The following NRCAM variants were observed in gnomAD, a reference collection of about 807,000 sequenced individuals.
NRCAM encodes NgCAM-related cell adhesion molecule.
NRCAM carries 83 observed loss-of-function variants against 156.5 expected under a neutral mutation model. The observed-to-expected ratio is 0.53, with a 90% CI of 0.44 to 0.64. The LOEUF is 0.64. Ranked by LOEUF, NRCAM falls within the 30% of genes least tolerant of loss-of-function variation. The probability of loss-of-function intolerance (pLI) is 0.00; values close to 1 mark genes in which losing one functional copy is unlikely to be tolerated. For missense variants in NRCAM, 1,417 were observed against 1,597.3 expected (o/e 0.89, Z 1.92); for synonymous variants, 538 against 563.9 (o/e 0.95, Z 0.65).
intron 3 of NRCAM, among the ~76,000 whole-genome samples, chr7:108,277,043 A>G (rs1287719738): frequency 6.6e-6 from 1 of 152,114 alleles, no homozygotes; most frequent in Non-Finnish European, 1.5e-5. Flanking sequence ...TCTTTTCTTT[A>G]AGAATGTTGA....
intron 3 of NRCAM, among the ~76,000 whole-genome samples, chr7:108,270,954 T>C (rs146963857): frequency 6.6e-6 from 1 of 152,216 alleles, no homozygotes; most frequent in Admixed American, 6.5e-5. Flanking sequence ...ATGGTGGTGA[T>C]GCTGGCACAA....
At chr7:108,167,170 C>T (rs773992848) in intron 29 of NRCAM, 97 bp from the exon 30 acceptor site, 5 of 864,808 alleles carry the variant, frequency 5.8e-6, no homozygotes, top group Non-Finnish European at 9.0e-6. Context: ...AAGCTAAAGA[C>T]AAGATGTAGG....
rs142288771 is a variant in NRCAM, at chr7:108,194,120, C to T, written c.1682G>A (p.Ser561Asn). 6 of 1,614,114 alleles carry T rather than the reference C, an allele frequency of 3.7e-6. No homozygotes were observed. The highest frequency in any genetic ancestry group is 5.1e-6 in the Non-Finnish European group (6 of 1,179,926). The change falls in exon 17 of 33, where the codon AGC becomes AAC. Residue 561 changes from serine (S) to asparagine (N), a missense_variant. Physicochemically the swap from Ser to Asn is conservative, Grantham distance 46. Coordinates refer to ENST00000379028, the MANE Select transcript of NRCAM (RefSeq NM_001037132.4). Reference sequence around the variant, plus strand: ...CACTTTGCATTCAAAGGACACCATGCTCCCTCTTTGCACAACTGCATATTC... The same window carrying T: ...CACTTTGCATTCAAAGGACACCATGTTCCCTCTTTGCACAACTGCATATTC... ...QPEYAVVQRG[S>N]MVSFECKVKH...
At chr7:108,204,960 G>C (rs1563432087) in intron 13 of NRCAM, among the ~76,000 whole-genome samples, 1 of 152,152 alleles carries the variant, frequency 6.6e-6, no homozygotes, top group African/African-American at 2.4e-5. Context: ...TAATTTAAAA[G>C]GGGAGTGTTA....
chr7:108,316,615 G>GAA (rs375152713), intron 2 of NRCAM, among the ~76,000 whole-genome samples: 5 of 147,360 alleles, frequency 3.4e-5, no homozygotes, highest in African/African-American at 1.2e-4. Flanking sequence ...CTCTACTAAA[G>GAA]AAAAAAAAAA....
upstream of NRCAM, chr7:108,456,610 T>G (rs1857651174): frequency 6.6e-6 from 1 of 152,216 alleles, no homozygotes; most frequent in South Asian, 2.1e-4. Context: ...GCCCTGCTGC[T>G]GCGACGGCAG....
At chr7:108,267,909 A>T (rs542442754) in intron 3 of NRCAM, among the ~76,000 whole-genome samples, 2 of 152,352 alleles carry the variant, frequency 1.3e-5, no homozygotes, top group East Asian at 3.8e-4. Context: ...ACTTTAGCAA[A>T]AATATTATCT....
At chr7:108,349,409 C>T (rs974353688) in intron 2 of NRCAM, among the ~76,000 whole-genome samples, 1 of 151,998 alleles carries the variant, frequency 6.6e-6, no homozygotes, top group African/African-American at 2.4e-5. Flanking sequence ...GCTGGGACTA[C>T]AGGCGCCTGC....
intron 3 of NRCAM, among the ~76,000 whole-genome samples, chr7:108,300,908 GT>G (rs2098597354): frequency 6.6e-6 from 1 of 151,470 alleles, no homozygotes; most frequent in South Asian, 2.1e-4. Flanking sequence ...AAAAAATTAT[GT>G]TTTATTTTAC....
intron 3 of NRCAM, among the ~76,000 whole-genome samples, chr7:108,309,389 T>C (rs1032649030): frequency 6.6e-6 from 1 of 152,160 alleles, no homozygotes; most frequent in African/African-American, 2.4e-5. Flanking sequence ...TTTTTATAAG[T>C]TCTAGGCATC....
At chr7:108,386,619 T>C (rs11766336) in intron 2 of NRCAM, among the ~76,000 whole-genome samples, 29,758 of 152,026 alleles carry the variant, frequency 0.2, 3,535 homozygotes, top group South Asian at 0.37. Context: ...TACAGTAAGA[T>C]TGAAAACTAT....
intron 30 of NRCAM, among the ~76,000 whole-genome samples, chr7:108,161,817 G>C (rs528713767): frequency 6.6e-6 from 1 of 152,220 alleles, no homozygotes; most frequent in African/African-American, 2.4e-5. Flanking sequence ...GAAATAAAAT[G>C]AGAAGCAAAA....
chr7:108,283,083 A>C (rs1030164239), intron 3 of NRCAM, among the ~76,000 whole-genome samples: 1 of 149,520 alleles, frequency 6.7e-6, no homozygotes, highest in African/African-American at 2.5e-5. Context: ...CAAAGTTAAA[A>C]CTGTCTAAGA....
chr7:108,187,938 A>G (rs191513623), intron 20 of NRCAM, among the ~76,000 whole-genome samples: 2,845 of 152,022 alleles, frequency 0.019, 88 homozygotes, highest in African/African-American at 0.065. Context: ...CTGGGCAACA[A>G]AGCGAGACTC....
intron 2 of NRCAM, among the ~76,000 whole-genome samples, chr7:108,383,906 T>C (rs1178864880): frequency 1.3e-5 from 2 of 152,142 alleles, no homozygotes; most frequent in Non-Finnish European, 2.9e-5. Context: ...CATGATAACA[T>C]ACCATTAAGA....
At chr7:108,356,575 G>T (rs1239931512) in intron 2 of NRCAM, among the ~76,000 whole-genome samples, 1 of 151,816 alleles carries the variant, frequency 6.6e-6, no homozygotes, top group African/African-American at 2.4e-5. Flanking sequence ...TAAAAAAATT[G>T]TTCTTTTTTT....
Position 108,184,485 on chromosome 7 carries a change from A to G in NRCAM, c.2165T>C (p.Met722Thr). 1.9e-6 allele frequency: 3 copies of G among 1,614,208 alleles called. No homozygotes were observed. The highest frequency in any genetic ancestry group is 2.5e-6 in the Non-Finnish European group (3 of 1,180,040). Residue 722 changes from methionine (M) to threonine (T), a missense_variant, in exon 21 of 33, where the codon ATG (methionine) becomes ACG (threonine). Met to Thr is a moderately conservative substitution (Grantham distance 81). Coordinates refer to ENST00000379028, the MANE Select transcript of NRCAM (RefSeq NM_001037132.4). ...GCTCTTCCCAATGCTGTTCACTGCC[A>G]TCACGCGGAAGGAGTAGTTCACGTA... The part of the protein sequence containing the change: ...SPYVNYSFRV[M>T]AVNSIGKSLP...
intron 3 of NRCAM, among the ~76,000 whole-genome samples, chr7:108,304,850 C>T (rs1328847031): frequency 1.3e-5 from 2 of 152,128 alleles, no homozygotes; most frequent in Admixed American, 6.5e-5. Flanking sequence ...GATATTGGCT[C>T]ACTTACTGGA....
In NRCAM at chr7:108,176,624, T is replaced by C. The variant is rs1385564015; in HGVS notation, c.2975-18A>G. ...GCTGTTAACTGTCAATAAGAAATAA[T>C]GAACAAGTGCATTCTCCATTAACTG... is the stretch of plus-strand genomic sequence containing the variant. On this transcript the variant is annotated intron_variant, in intron 26 of 32. Transcript: ENST00000379028. 2 of 1,585,474 alleles carry C rather than the reference T, an allele frequency of 1.3e-6. No individual in the cohort carries two copies. Among genetic ancestry groups the C allele is most frequent in the Non-Finnish European group, 8.6e-7 (1 of 1,158,846 alleles).
Sources: allele counts gnomAD v4.1 joint callset (sites outside exome capture counted in the v4.1 genomes callset), GRCh38; gene constraint gnomAD v4.1.1; transcripts MANE v1.5; gene names NCBI Gene and HGNC (gene_info 2026-07-23, HGNC 2026-07-21).